NIN: variants seen among roughly 807,000 people sequenced by gnomAD.
NIN encodes ninein, also known as glycogen synthase kinase 3 beta-interacting protein.
In NIN, 137 loss-of-function variants were observed where a neutral mutation model predicts 257.6. The ratio of observed to expected loss-of-function variants is 0.53; its 90% CI spans 0.46 to 0.61. The LOEUF is 0.61. Among genes scored for constraint, NIN ranks in the 20% least tolerant of loss-of-function variants. The pLI is 0.00. For missense variants in NIN, 2,439 were observed against 2,501.2 expected, an observed-to-expected ratio of 0.98 and a Z score of 0.53; for synonymous variants, 918 against 919.8, an observed-to-expected ratio of 1.00 and a Z score of 0.04.
chr14:50,740,102 C>T (rs1226097383), intron 25 of NIN, among the ~76,000 whole-genome samples: 2 of 151,446 alleles, frequency 1.3e-5, no homozygotes, highest in African/African-American at 4.9e-5. Context: ...ATAGATAAGC[C>T]TCTTACCTTT....
At chr14:50,737,097 T>C (rs1292925784) in intron 27 of NIN, among the ~76,000 whole-genome samples, 2 of 152,180 alleles carry the variant, frequency 1.3e-5, no homozygotes, top group East Asian at 3.8e-4. Flanking sequence ...TTAGTCTGCG[T>C]GACAAATACA....
At position 50,721,906 on chromosome 14, in the gene NIN, T is replaced by C. The variant is rs909396224; in HGVS notation, c.*1557A>G. On this transcript the variant is annotated 3_prime_UTR_variant, in exon 31 of 31. Transcript: ENST00000530997. Reference sequence around the variant, plus strand: ...CCTGATGGAAATTATTTTGTTGAGATTGAGTTTCTGACATGATGACTTCTT... The same window carrying C: ...CCTGATGGAAATTATTTTGTTGAGACTGAGTTTCTGACATGATGACTTCTT... 3.5e-5 allele frequency: 8 copies of C among 225,416 alleles called. No homozygotes were observed. The highest frequency in any genetic ancestry group is 6.7e-5 in the African/African-American group (3 of 44,888). 14.0% of individuals were successfully genotyped at this position (225,416 alleles called of 1,614,324 possible).
At chr14:50,778,719 G>A (rs773413841) in intron 6 of NIN, 46 bp downstream of exon 6, 85 of 1,586,824 alleles carry the variant, frequency 5.4e-5, no homozygotes, top group South Asian at 2.1e-4. Context: ...GAGAGCACCC[G>A]GCGGCCCTTC....
chr14:50,774,710 C>G (rs1485640103), intron 7 of NIN, among the ~76,000 whole-genome samples: 1 of 152,240 alleles, frequency 6.6e-6, no homozygotes, highest in Non-Finnish European at 1.5e-5. Flanking sequence ...TAGATCCACA[C>G]TGCTTGACCT....
chr14:50,758,521 C>G lies in NIN; in HGVS notation c.2509G>C (p.Glu837Gln), dbSNP rs2042138487. Residue 837 changes from glutamate to glutamine, a missense_variant, in exon 18 of 31, where the codon GAG (glutamate) becomes CAG (glutamine). Glu to Gln is a conservative substitution (Grantham distance 29). Around this residue, in one of 3 missense-constraint regions of NIN, gnomAD observed 2,043 missense variants for 2,050.2 expected, o/e 1.00. Coordinates refer to ENST00000530997, the MANE Select transcript of NIN (RefSeq NM_020921.4). ...TTCAGCTCTTGGCGGTAGCGCCCCT[C>G]CAGGCTTTGCAGAGCGCTTTCACAC... ...ERCESALQSL[E>Q]GRYRQELKDL... is the part of the protein sequence containing the mutation. The G allele has an allele frequency of 6.2e-7, 1 of 1,614,104 alleles. No homozygotes were observed. Among genetic ancestry groups the G allele is most frequent in the Admixed American group, 1.7e-5 (1 of 60,002 alleles).
chr14:50,746,955 G>A (rs753899611), intron 22 of NIN, among the ~76,000 whole-genome samples: 5 of 152,180 alleles, frequency 3.3e-5, no homozygotes, highest in South Asian at 4.1e-4. Context: ...TTGACTTCCC[G>A]AGCTCAGGTG....
chr14:50,777,277 C>A lies in NIN; in HGVS notation c.476-138G>T, dbSNP rs2042960238. 3 of 677,944 alleles carry A rather than the reference C, an allele frequency of 4.4e-6. 1 individual carries two copies. In the Admixed American group the frequency reaches 9.5e-5, roughly 22 times the overall value. 42.0% of individuals were successfully genotyped at this position (677,944 alleles called of 1,614,324 possible). ...AATGTCAATTCCATTTTGATTTGGT[C>A]CTGAAGCTCCCATGAAACAGAATCA... is the stretch of plus-strand genomic sequence containing the variant. On this transcript the variant is annotated intron_variant, in intron 6 of 30. Coordinates refer to ENST00000530997, the MANE Select transcript of NIN (RefSeq NM_020921.4).
rs1433591887 is a variant in NIN, at chr14:50,758,113, C to G, written c.2917G>C (p.Glu973Gln). Residue 973 changes from glutamate (E) to glutamine (Q), a missense_variant, in exon 18 of 31, where the codon GAA (glutamate) becomes CAA (glutamine). Glu to Gln is a conservative substitution (Grantham distance 29, BLOSUM62 2). Around this residue, in one of 3 missense-constraint regions of NIN, gnomAD observed 2,043 missense variants for 2,050.2 expected, o/e 1.00. Coordinates refer to ENST00000530997, the MANE Select transcript of NIN (RefSeq NM_020921.4). ...QLASQRLERL[E>Q]MEHDQERQEM... ...TGCCTTTCCTGGTCATGTTCCATTT[C>G]TAGTCTTTCCAGCCGCTGGCTGGCC... 3 of 1,614,058 alleles carry G rather than the reference C, an allele frequency of 1.9e-6. No individual in the cohort carries two copies. In the South Asian group the frequency reaches 3.3e-5, roughly 18 times the overall value.
In NIN at chr14:50,720,547, C is replaced by A. The variant is rs375970893; in HGVS notation, c.*2916G>T. ...CCTATGCCTTGGAAGCCTATGACTT[C>A]ATGATCTATTCATGAAAAATATGCC... On this transcript the variant is annotated 3_prime_UTR_variant, in exon 31 of 31. Transcript: ENST00000530997. 2.3e-4 allele frequency: 49 copies of A among 208,962 alleles called. No homozygotes were observed. Among genetic ancestry groups the A allele is most frequent in the Middle Eastern group, 1.5e-3 (1 of 660 alleles). 12.9% of individuals were successfully genotyped at this position (208,962 alleles called of 1,614,324 possible).
Position 50,719,984 on chromosome 14 carries a change from C to A in NIN, c.*3479G>T, listed in dbSNP as rs779322016. 7 of 216,540 alleles carry A rather than the reference C, an allele frequency of 3.2e-5. No individual in the cohort carries two copies. The highest frequency in any genetic ancestry group is 6.5e-5 in the Non-Finnish European group (7 of 107,492). The allele number at this position is 216,540 out of a possible 1,614,324, so 13.4% of individuals were successfully genotyped here. A position where few individuals can be genotyped will look rare whatever the true frequency, so the allele number is the denominator to read the frequency against. On this transcript the variant is annotated 3_prime_UTR_variant, in exon 31 of 31. Coordinates refer to ENST00000530997, the MANE Select transcript of NIN (RefSeq NM_020921.4). ...AGATAATCTGTTTTTCCTTCACAAA[C>A]CAATGTTCCCTTAAGTCATGCCATG... is the stretch of plus-strand genomic sequence containing the variant.
chr14:50,731,213 C>T (rs901256256), intron 28 of NIN, among the ~76,000 whole-genome samples: 12 of 152,042 alleles, frequency 7.9e-5, no homozygotes, highest in African/African-American at 2.4e-4. Flanking sequence ...ATTTGTGCCC[C>T]GCCCAATATA....
chr14:50,763,985 C>G, intron 14 of NIN, 21 bp from the exon 15 acceptor site: 1 of 1,608,526 alleles, frequency 6.2e-7, no homozygotes, highest in Non-Finnish European at 8.5e-7. Flanking sequence ...AAAACCAACA[C>G]TGGTCTTAGA....
At chr14:50,804,200 A>G (rs2044222786) in intron 4 of NIN, among the ~76,000 whole-genome samples, 1 of 152,100 alleles carries the variant, frequency 6.6e-6, no homozygotes, top group Non-Finnish European at 1.5e-5. Context: ...CCCAGCTCAG[A>G]GTCACATTTT....
At chr14:50,782,134 C>T (rs543059198) in intron 5 of NIN, among the ~76,000 whole-genome samples, 37 of 152,220 alleles carry the variant, frequency 2.4e-4, no homozygotes, top group African/African-American at 8.4e-4. Flanking sequence ...ATAACTTCTA[C>T]TACCATCAAG....
At position 50,756,475 on chromosome 14, in the gene NIN, G is replaced by C; in HGVS notation, c.4538+17C>G. 1 of 1,568,448 alleles carries C rather than the reference G, an allele frequency of 6.4e-7. No individual in the cohort carries two copies. Among genetic ancestry groups the C allele is most frequent in the Non-Finnish European group, 8.6e-7 (1 of 1,161,134 alleles). On this transcript the variant is annotated intron_variant, in intron 18 of 30. Transcript: ENST00000530997. ...TGCTCTGTGGGATTCGTGACGTCTAGAAGGTACATACATTACCTCAGAAGT... is the reference window on the plus strand; with the variant it reads ...TGCTCTGTGGGATTCGTGACGTCTACAAGGTACATACATTACCTCAGAAGT...
At chr14:50,740,155 G>T (rs1206705538) in intron 25 of NIN, among the ~76,000 whole-genome samples, 4 of 148,026 alleles carry the variant, frequency 2.7e-5, no homozygotes, top group South Asian at 4.2e-4. Flanking sequence ...CTCATTTTCA[G>T]AAAAAGTCAA....
rs747598203 is a variant in NIN at position 50,739,356 on chromosome 14, C to A, written c.5580G>T (p.Gln1860His). 3 of 1,614,230 alleles carry A rather than the reference C, an allele frequency of 1.9e-6. No individual in the cohort carries two copies. Among genetic ancestry groups the A allele is most frequent in the Non-Finnish European group, 2.5e-6 (3 of 1,180,050 alleles). ...QLLWQENERL[Q>H]TMVQNTKAEL... The stretch of plus-strand genomic sequence containing the variant: ...CGGCTTTGGTGTTCTGTACCATGGT[C>A]TGGAGCCTCTCATTCTCTTGCCAAA... Residue 1860 changes from glutamine (Q) to histidine (H), a missense_variant, in exon 26 of 31, where the codon CAG becomes CAT. Gln to His is a conservative substitution (Grantham distance 24). This residue lies in a region of NIN where 2,043 missense variants were observed against 2,050.2 expected (regional missense o/e 1.00). Coordinates refer to ENST00000530997, the MANE Select transcript of NIN (RefSeq NM_020921.4).
At chr14:50,728,714 G>C (rs1300065411) in intron 29 of NIN, among the ~76,000 whole-genome samples, 1 of 152,186 alleles carries the variant, frequency 6.6e-6, no homozygotes, top group Admixed American at 6.5e-5. Flanking sequence ...TAGGCAAGCT[G>C]CAAGAGTTAA....
chr14:50,728,446 C>CA (rs2040522611), intron 29 of NIN, among the ~76,000 whole-genome samples: 1 of 152,138 alleles, frequency 6.6e-6, no homozygotes, highest in Non-Finnish European at 1.5e-5. Context: ...TTAGAACTGA[C>CA]AAGTGGTAGG....
Sources: gnomAD v4.1 joint callset for allele counts (sites outside exome capture counted in the v4.1 genomes callset) on GRCh38, gnomAD v4.1.1 for gene constraint, gnomAD v4.1.1 regional missense constraint, MANE v1.5 for transcripts, NCBI Gene and HGNC (gene_info 2026-07-23, HGNC 2026-07-21) for gene names.